The following C10orf67 variants were observed in gnomAD, a reference collection of about 807,000 sequenced individuals.
C10orf67 encodes chromosome 10 open reading frame 67.
C10orf67 carries 60 observed loss-of-function variants against 35.6 expected under a neutral mutation model. The ratio of observed to expected loss-of-function variants is 1.68; its 90% CI spans 1.37 to 2.09. C10orf67 has a LOEUF of 2.09. Ranked by LOEUF, C10orf67 falls within the 30% of genes most tolerant of loss-of-function variation. The pLI, the probability that C10orf67 is intolerant of heterozygous loss-of-function variation, is 0.00. For synonymous variants in C10orf67, 167 were observed against 115.8 expected (o/e 1.44, Z -2.84); for missense variants, 474 against 330.2 (o/e 1.44, Z -3.38).
chr10:23,241,159 C>T (rs537692554), intron 12 of C10orf67, among the ~76,000 whole-genome samples: 1 of 152,318 alleles, frequency 6.6e-6, no homozygotes, highest in South Asian at 2.1e-4. Flanking sequence ...ACTCAATTTT[C>T]CCCTTCTACT....
rs57592057 is a variant in C10orf67 at position 23,276,316 on chromosome 10, G to C, written c.975+5697C>G. Among the ~76,000 whole-genome samples, 132 of 152,234 alleles carry C rather than the reference G, an allele frequency of 8.7e-4. 2 individuals carry two copies. In the East Asian group the frequency reaches 0.022, roughly 25 times the overall value. ...TTGCTTGGTCAGTGAAATGGCTCAG[G>C]GGGGGATAAAGGGAGCCTCTTGAAG... On this transcript the variant is annotated intron_variant, in intron 8 of 15. Coordinates refer to ENST00000636213, the MANE Select transcript of C10orf67 (RefSeq NM_001371909.1).
chr10:23,217,413 G>A (rs1426326571), intron 15 of C10orf67, among the ~76,000 whole-genome samples: 1 of 152,152 alleles, frequency 6.6e-6, no homozygotes, highest in Non-Finnish European at 1.5e-5. Context: ...ATGAATCCAT[G>A]TATAATATCC....
chr10:23,225,163 C>T (rs1328028747), intron 13 of C10orf67, among the ~76,000 whole-genome samples: 12 of 152,162 alleles, frequency 7.9e-5, no homozygotes, highest in Non-Finnish European at 1.2e-4. Flanking sequence ...AGACTAACAG[C>T]GGATCTCTCG....
chr10:23,245,083 G>A (rs1842284835), intron 12 of C10orf67, among the ~76,000 whole-genome samples: 1 of 152,088 alleles, frequency 6.6e-6, no homozygotes, highest in South Asian at 2.1e-4. Flanking sequence ...TTTTTGACAA[G>A]AGTGACAAGA....
intron 10 of C10orf67, 41 bp downstream of exon 10, chr10:23,266,200 AGAGACAGGAGTCCCTGTGCAG>A (rs967433533): frequency 2.5e-6 from 1 of 397,810 alleles, no homozygotes; most frequent in African/African-American, 2.1e-5. Flanking sequence ...ATAGGGCTAA[AGAGACAGGAGTCCCTGTGCAG>A]AGGAAGGTGG....
chr10:23,275,588 TAC>T (rs35046789), intron 8 of C10orf67, among the ~76,000 whole-genome samples: 20,384 of 151,658 alleles, frequency 0.13, 2,602 homozygotes, highest in East Asian at 0.66. Flanking sequence ...TACACACACA[TAC>T]ACACACACAT....
At chr10:23,211,410 A>G (rs1286596630) in intron 15 of C10orf67, among the ~76,000 whole-genome samples, 1 of 151,080 alleles carries the variant, frequency 6.6e-6, no homozygotes, top group Admixed American at 6.7e-5. Flanking sequence ...ATAAGATTAC[A>G]TTCATAGGAG....
chr10:23,245,469 T>C (rs1333181858), intron 12 of C10orf67, among the ~76,000 whole-genome samples: 2 of 152,156 alleles, frequency 1.3e-5, no homozygotes, highest in Non-Finnish European at 2.9e-5. Flanking sequence ...TCTTATCTGA[T>C]AAGGGGTTAA....
At chr10:23,278,047 G>C (rs1228968341) in intron 8 of C10orf67, among the ~76,000 whole-genome samples, 1 of 152,202 alleles carries the variant, frequency 6.6e-6, no homozygotes, top group East Asian at 1.9e-4. Flanking sequence ...CTATAGTGAA[G>C]ACAGTATCAT....
chr10:23,240,338 G>A (rs1486800716), intron 12 of C10orf67, among the ~76,000 whole-genome samples: 1 of 152,000 alleles, frequency 6.6e-6, no homozygotes, highest in Non-Finnish European at 1.5e-5. Context: ...AATAATTCAG[G>A]GCATTTTTCA....
chr10:23,262,705 C>A lies in C10orf67; in HGVS notation c.1200+3557G>T, dbSNP rs532291889. Reference sequence around the variant, plus strand: ...TTTCATGTATCCCACAAATATTAAACGCTATTTTCACTAGAATATTTTCTG... The same window carrying A: ...TTTCATGTATCCCACAAATATTAAAAGCTATTTTCACTAGAATATTTTCTG... On this transcript the variant is annotated intron_variant, in intron 10 of 15. Transcript: ENST00000636213. 5.3e-5 allele frequency among the ~76,000 whole-genome samples: 8 copies of A among 152,238 alleles called. 1 individual carries two copies. The highest frequency in any genetic ancestry group is 1.7e-4 in the African/African-American group (7 of 41,540).
chr10:23,294,918 T>C (rs1015209418), intron 5 of C10orf67, among the ~76,000 whole-genome samples: 6 of 152,190 alleles, frequency 3.9e-5, no homozygotes, highest in Non-Finnish European at 7.3e-5. Flanking sequence ...AGTTTGTTCT[T>C]AGAGAATGTA....
At chr10:23,307,595 G>T (rs889173210) in intron 4 of C10orf67, among the ~76,000 whole-genome samples, 3 of 147,060 alleles carry the variant, frequency 2.0e-5, no homozygotes, top group African/African-American at 7.7e-5. Context: ...TATTTATTTA[G>T]ATTTTTTATT....
intron 7 of C10orf67, among the ~76,000 whole-genome samples, chr10:23,282,749 T>C (rs781493211): frequency 2.0e-5 from 3 of 152,192 alleles, no homozygotes; most frequent in Admixed American, 6.5e-5. Flanking sequence ...GAGGATTGCT[T>C]GAGCCCAGGA....
At chr10:23,331,776 G>C (rs1041362737) in intron 2 of C10orf67, among the ~76,000 whole-genome samples, 1 of 152,012 alleles carries the variant, frequency 6.6e-6, no homozygotes, top group African/African-American at 2.4e-5. Flanking sequence ...GTAACAGAGG[G>C]CGCATGTGAA....
chr10:23,317,185 G>A (rs1016892332), intron 4 of C10orf67: 3 of 152,372 alleles, frequency 2.0e-5, no homozygotes, highest in African/African-American at 7.2e-5. Context: ...AGGCAGCAGA[G>A]GGCTGGTGTG....
intron 10 of C10orf67, chr10:23,258,695 A>T (rs1842668036): frequency 6.6e-6 from 1 of 152,196 alleles, no homozygotes; most frequent in Admixed American, 6.5e-5. Flanking sequence ...TATTCCAAAG[A>T]TGTTAACTGA....
At chr10:23,274,074 C>A (rs1843108668) in intron 8 of C10orf67, among the ~76,000 whole-genome samples, 1 of 151,966 alleles carries the variant, frequency 6.6e-6, no homozygotes, top group Non-Finnish European at 1.5e-5. Context: ...GCAAAACCAG[C>A]AAGTTTTTAT....
At chr10:23,263,393 C>T (rs1463506475) in intron 10 of C10orf67, among the ~76,000 whole-genome samples, 1 of 151,968 alleles carries the variant, frequency 6.6e-6, no homozygotes, top group Non-Finnish European at 1.5e-5. Flanking sequence ...CCCATAATAA[C>T]AATTTTTTTT....
Sources: gnomAD v4.1 joint callset for allele counts (sites outside exome capture counted in the v4.1 genomes callset) on GRCh38, gnomAD v4.1.1 for gene constraint, MANE v1.5 for transcripts, NCBI Gene and HGNC (gene_info 2026-07-23, HGNC 2026-07-21) for gene names.